Variants in CD46 observed in about 807,000 individuals in gnomAD.
CD46 encodes membrane cofactor protein.
CD46 carries 30 observed loss-of-function variants against 53.3 expected under a neutral mutation model. The observed-to-expected ratio is 0.56, with a 90% confidence interval of 0.42 to 0.76. CD46 has a LOEUF of 0.76. Among genes scored for constraint, CD46 ranks in the 30% least tolerant of loss-of-function variants. The pLI is 0.00. For synonymous variants in CD46, 142 were observed against 152.0 expected, an observed-to-expected ratio of 0.93 and a Z score of 0.48; for missense variants, 409 against 463.0, an observed-to-expected ratio of 0.88 and a Z score of 1.07.
chr1:207,772,660 T>C (rs1657642674), intron 8 of CD46, among the ~76,000 whole-genome samples: 1 of 152,226 alleles, frequency 6.6e-6, no homozygotes, highest in South Asian at 2.1e-4. Flanking sequence ...GAAATAGTCA[T>C]GTGGTTTTTG....
At chr1:207,774,454 A>G (rs376348499) in intron 8 of CD46, among the ~76,000 whole-genome samples, 1 of 152,156 alleles carries the variant, frequency 6.6e-6, no homozygotes, top group East Asian at 1.9e-4. Flanking sequence ...TTGCCCGTTA[A>G]CTGATGCAGT....
At chr1:207,782,896 G>C (rs577281820) in intron 8 of CD46, among the ~76,000 whole-genome samples, 1 of 150,236 alleles carries the variant, frequency 6.7e-6, no homozygotes, top group Non-Finnish European at 1.5e-5. Flanking sequence ...CTCGTGATCC[G>C]CCTGCCTCGG....
At chr1:207,764,238 T>C (rs907396439) in intron 5 of CD46, among the ~76,000 whole-genome samples, 2 of 152,184 alleles carry the variant, frequency 1.3e-5, no homozygotes, top group African/African-American at 4.8e-5. Flanking sequence ...GGAGCTGCGG[T>C]GCGCCAGTCA....
intron 8 of CD46, 148 bp from the exon 9 acceptor site, chr1:207,783,141 CATT>C (rs1464636839): frequency 8.2e-6 from 4 of 485,624 alleles, no homozygotes; most frequent in South Asian, 3.5e-5. Flanking sequence ...CTTTGAGAAA[CATT>C]AATATAGTTT....
intron 5 of CD46, among the ~76,000 whole-genome samples, chr1:207,762,224 C>T (rs1656295866): frequency 6.6e-6 from 1 of 152,114 alleles, no homozygotes; most frequent in East Asian, 1.9e-4. Flanking sequence ...TGAATAAAAA[C>T]ACAACATCTC....
In CD46 at chr1:207,761,418, G is replaced by C. The variant is rs757276949; in HGVS notation, c.645G>C (p.Val215=). 19 of 1,614,060 alleles carry C rather than the reference G, an allele frequency of 1.2e-5. 1 individual carries two copies. Among genetic ancestry groups the C allele is most frequent in the South Asian group, 9.9e-5 (9 of 91,090 alleles). ...CGATTTATTGTGGTGACAATTCAGTGTGGAGTCGTGCTGCTCCAGAGTGTA... is the reference window on the plus strand; with the variant it reads ...CGATTTATTGTGGTGACAATTCAGTCTGGAGTCGTGCTGCTCCAGAGTGTA... The part of the protein sequence containing the change: ...ESTIYCGDNS[V]WSRAAPECKV... Residue 215 remains valine (V), a synonymous_variant, in exon 5 of 13, where the codon GTG becomes GTC. Coordinates refer to ENST00000367042, the MANE Select transcript of CD46 (RefSeq NM_172351.3).
At chr1:207,776,688 G>A (rs1299162226) in intron 8 of CD46, among the ~76,000 whole-genome samples, 5 of 151,664 alleles carry the variant, frequency 3.3e-5, no homozygotes, top group Non-Finnish European at 5.9e-5. Context: ...GAGTGCAGTG[G>A]TGCAACCACG....
chr1:207,752,104 T>G lies in CD46; in HGVS notation c.-109T>G. Reference sequence around the variant, plus strand: ...CTGCAGCACTGGATGCTTTGTGAGTTGGGGATTGTTGCGTCCCATATCTGG... The same window carrying G: ...CTGCAGCACTGGATGCTTTGTGAGTGGGGGATTGTTGCGTCCCATATCTGG... On this transcript the variant is annotated 5_prime_UTR_variant, in exon 1 of 13. Coordinates refer to ENST00000367042, the MANE Select transcript of CD46 (RefSeq NM_172351.3). The surrounding 1 kb of genome is among the most constrained non-coding windows in gnomAD (Gnocchi z 4.1). The G allele has an allele frequency of 1.9e-6, 2 of 1,026,462 alleles. No homozygotes were observed. Among genetic ancestry groups the G allele is most frequent in the Non-Finnish European group, 3.0e-6 (2 of 656,220 alleles). The allele number at this position is 1,026,462 out of a possible 1,614,324, so 63.6% of individuals were successfully genotyped here.
intron 6 of CD46, 76 bp from the exon 7 acceptor site, chr1:207,767,703 A>T (rs1657024458): frequency 1.3e-6 from 2 of 1,589,278 alleles, no homozygotes; most frequent in Non-Finnish European, 1.7e-6. Context: ...TACAAGATAT[A>T]AGGAATTCCT....
At chr1:207,783,552 A>T (rs1658988216) in intron 9 of CD46, 3 of 429,396 alleles carry the variant, frequency 7.0e-6, no homozygotes, top group Non-Finnish European at 8.6e-6. Context: ...CTTTCTATTC[A>T]TATCTTATAT....
At chr1:207,775,192 G>T (rs1442112168) in intron 8 of CD46, among the ~76,000 whole-genome samples, 1 of 152,074 alleles carries the variant, frequency 6.6e-6, no homozygotes, top group African/African-American at 2.4e-5. Context: ...GCTTGTGCAT[G>T]CGTCACGAAG....
At chr1:207,789,175 CTAGT>C (rs1266188615) in intron 11 of CD46, among the ~76,000 whole-genome samples, 1 of 152,122 alleles carries the variant, frequency 6.6e-6, no homozygotes. Flanking sequence ...TTTTTTAACT[CTAGT>C]TAAGCATCCC....
rs544018130 is a variant in CD46, at chr1:207,753,764, T to C, written c.97+1455T>C. Among the ~76,000 whole-genome samples, 8 of 152,378 alleles carry C rather than the reference T, an allele frequency of 5.3e-5. No individual in the cohort carries two copies. In the South Asian group the frequency reaches 1.7e-3, roughly 32 times the overall value. ...CAAAAGACAGCTATTTTTAATATTT[T>C]GGCATATTTGTTTCTGCCTTCATGT... is the stretch of plus-strand genomic sequence containing the variant. On this transcript the variant is annotated intron_variant, in intron 1 of 12. Transcript: ENST00000367042.
At chr1:207,761,199 T>C (rs1656157506) in intron 4 of CD46, 50 bp from the exon 5 acceptor site, 3 of 1,199,750 alleles carry the variant, frequency 2.5e-6, no homozygotes, top group Admixed American at 1.9e-5. Flanking sequence ...ATTTTACTAA[T>C]GCTGTCTTAA....
chr1:207,784,373 A>T (rs943908443), intron 9 of CD46, among the ~76,000 whole-genome samples: 1 of 152,220 alleles, frequency 6.6e-6, no homozygotes, highest in African/African-American at 2.4e-5. Flanking sequence ...TCATGGGATA[A>T]TACTTTTCAA....
chr1:207,789,723 A>G (rs1047534051), intron 11 of CD46, among the ~76,000 whole-genome samples: 2 of 152,018 alleles, frequency 1.3e-5, no homozygotes, highest in Non-Finnish European at 2.9e-5. Context: ...TACATACTCA[A>G]TGTATTCCCT....
chr1:207,752,117 GTCCCA>G lies in CD46; in HGVS notation c.-94_-90del. 8.9e-7 allele frequency: 1 copy of G among 1,126,854 alleles called. No individual in the cohort carries two copies. The highest frequency in any genetic ancestry group is 1.2e-5 in the South Asian group (1 of 81,508). The allele number at this position is 1,126,854 out of a possible 1,614,324, so 69.8% of individuals were successfully genotyped here. A position where few individuals can be genotyped will look rare whatever the true frequency, so the allele number is the denominator to read the frequency against. On this transcript the variant is annotated 5_prime_UTR_variant, in exon 1 of 13. It removes the in-frame stop codon of an upstream open reading frame in the 5' UTR. Coordinates refer to ENST00000367042, the MANE Select transcript of CD46 (RefSeq NM_172351.3). This position sits in a 1 kb window ranked among gnomAD's most constrained non-coding sequence, Gnocchi z 4.1. ...TGCTTTGTGAGTTGGGGATTGTTGC[GTCCCA>G]TATCTGGACCCAGAAGGGACTTCCC...
Position 207,785,079 on chromosome 1 carries a change from G to A in CD46, c.991G>A (p.Val331Ile), listed in dbSNP as rs372917996. 6.2e-7 allele frequency: 1 copy of A among 1,612,738 alleles called. No homozygotes were observed. The highest frequency in any genetic ancestry group is 8.5e-7 in the Non-Finnish European group (1 of 1,179,002). ...ACTGTTTTCTTTCTCAGATGTTTGG[G>A]TCATTGCTGTGATTGTTATTGCCAT... is the stretch of plus-strand genomic sequence containing the variant. ...EGILDSLDVW[V>I]IAVIVIAIVV... is the part of the protein sequence containing the mutation. Residue 331 changes from valine (V) to isoleucine (I), a missense_variant, in exon 10 of 13, where the codon GTC becomes ATC. By Grantham distance (29) the Val-to-Ile change is conservative. Transcript: ENST00000367042.
intron 8 of CD46, among the ~76,000 whole-genome samples, chr1:207,779,932 TACTGTAGTACTATATG>T (rs1658560040): frequency 7.0e-5 from 10 of 143,338 alleles, no homozygotes; most frequent in African/African-American, 1.0e-4. Context: ...TTTTTTTTTT[TACTGTAGTACTATATG>T]TTTTAATAAC....
Sources: allele counts gnomAD v4.1 joint callset (sites outside exome capture counted in the v4.1 genomes callset), GRCh38; gene constraint gnomAD v4.1.1; non-coding constraint Gnocchi (gnomAD v3.1); transcripts MANE v1.5; gene names NCBI Gene and HGNC (gene_info 2026-07-23, HGNC 2026-07-21).